The following REV3L variants were observed in gnomAD, a reference collection of about 807,000 sequenced individuals.
REV3L encodes the protein REV3 like, DNA directed polymerase zeta catalytic subunit.
A neutral mutation model predicts 299.4 loss-of-function variants in REV3L; 69 were observed. The ratio of observed to expected loss-of-function variants is 0.23; its 90% confidence interval spans 0.19 to 0.28. The LOEUF is 0.28. Among genes scored for constraint, REV3L ranks in the 10% least tolerant of loss-of-function variants. REV3L has a pLI of 1.00. For synonymous variants in REV3L, 1,238 were observed against 1,271.4 expected (o/e 0.97, Z 0.56); for missense variants, 3,128 against 3,693.8 (o/e 0.85, Z 3.97).
rs1453284723 is a variant in REV3L at position 111,335,456 on chromosome 6, A to G, written c.7680+13T>C. The stretch of plus-strand genomic sequence containing the variant: ...ACAGAACTTTCAAGTCTGCAAGAAA[A>G]CTGATTTCCCACCTGTGAACCCCTT... On this transcript the variant is annotated intron_variant, in intron 22 of 31. Coordinates refer to ENST00000368802, the MANE Select transcript of REV3L (RefSeq NM_001372078.1). The G allele has an allele frequency of 6.2e-7, 1 of 1,604,668 alleles. No homozygotes were observed. The highest frequency in any genetic ancestry group is 8.5e-7 in the Non-Finnish European group (1 of 1,176,376).
intron 1 of REV3L, among the ~76,000 whole-genome samples, chr6:111,450,091 A>G (rs1426663590): frequency 6.6e-6 from 1 of 152,236 alleles, no homozygotes; most frequent in Non-Finnish European, 1.5e-5. Flanking sequence ...AACTAAGAAT[A>G]TATCAGAAAT....
intron 1 of REV3L, among the ~76,000 whole-genome samples, chr6:111,423,676 G>C (rs893044359): frequency 1.3e-5 from 2 of 152,158 alleles, no homozygotes; most frequent in African/African-American, 4.8e-5. Flanking sequence ...CTACAGAAAG[G>C]AAAATCTGTT....
chr6:111,435,724 T>C (rs1380556141), intron 1 of REV3L, among the ~76,000 whole-genome samples: 2 of 152,094 alleles, frequency 1.3e-5, no homozygotes, highest in African/African-American at 2.4e-5. Context: ...GAAGAAAACA[T>C]TGGGGAAATG....
At chr6:111,432,969 A>G (rs1422954326) in intron 1 of REV3L, among the ~76,000 whole-genome samples, 1 of 152,232 alleles carries the variant, frequency 6.6e-6, no homozygotes, top group African/African-American at 2.4e-5. Flanking sequence ...AAAGAAATTA[A>G]GAAGGAAATT....
chr6:111,373,790 T>C lies in REV3L; in HGVS notation c.4565A>G (p.Glu1522Gly). The change falls in exon 13 of 32, where the codon GAA (glutamate) becomes GGA (glycine). Residue 1522 changes from glutamate to glycine, a missense_variant. By Grantham distance (98) the Glu-to-Gly change is moderately conservative. Around this residue, in one of 9 missense-constraint regions of REV3L, gnomAD observed 2,409 missense variants for 2,611.8 expected, o/e 0.92. Coordinates refer to ENST00000368802, the MANE Select transcript of REV3L (RefSeq NM_001372078.1). ...RNVSTPSAFGEGQSGLAVLKE... is the reference protein window; with the variant it reads ...RNVSTPSAFGGGQSGLAVLKE... ...TAGAACTGCCAGTCCAGACTGTCCT[T>C]CACCAAATGCTGAAGGTGTTGACAC... 1 of 1,614,154 alleles carries C rather than the reference T, an allele frequency of 6.2e-7. No homozygotes were observed. The highest frequency in any genetic ancestry group is 2.2e-5 in the East Asian group (1 of 44,886).
chr6:111,467,255 T>C (rs1791622190), intron 1 of REV3L, among the ~76,000 whole-genome samples: 1 of 152,244 alleles, frequency 6.6e-6, no homozygotes, highest in Non-Finnish European at 1.5e-5. Flanking sequence ...AAGGTCAAAG[T>C]ACTTCATGTC....
At chr6:111,427,660 T>A (rs1304951047) in intron 1 of REV3L, among the ~76,000 whole-genome samples, 2 of 152,172 alleles carry the variant, frequency 1.3e-5, no homozygotes, top group Non-Finnish European at 2.9e-5. Context: ...CAGAAAACTT[T>A]CCCAACTCAG....
chr6:111,401,523 G>A (rs1017480908), intron 4 of REV3L, among the ~76,000 whole-genome samples: 6 of 152,182 alleles, frequency 3.9e-5, no homozygotes, highest in African/African-American at 1.4e-4. Flanking sequence ...TAAACTATAA[G>A]TTGTCATCTA....
At chr6:111,469,710 C>T (rs942606910) in intron 1 of REV3L, among the ~76,000 whole-genome samples, 9 of 152,192 alleles carry the variant, frequency 5.9e-5, no homozygotes, top group East Asian at 1.9e-4. Flanking sequence ...ACAACCAGTA[C>T]GGATTATCCA....
Position 111,351,754 on chromosome 6 carries a change from T to A in REV3L, c.7222A>T (p.Met2408Leu). Residue 2408 changes from methionine to leucine, a missense_variant, in exon 19 of 32, where the codon ATG becomes TTG. By Grantham distance (15) the Met-to-Leu change is conservative. Around this residue, in one of 9 missense-constraint regions of REV3L, gnomAD observed 82 missense variants for 142.7 expected, o/e 0.57. Coordinates refer to ENST00000368802, the MANE Select transcript of REV3L (RefSeq NM_001372078.1). ...TGTAAGAGGTAACCCCAGGAATGCA[T>A]CTGAATCTCATATCCTAGCAGAATA... ...PDILLGYEIQ[M>L]HSWGYLLQRA... 1.9e-6 allele frequency: 3 copies of A among 1,613,528 alleles called. No individual in the cohort carries two copies. Among genetic ancestry groups the A allele is most frequent in the Non-Finnish European group, 2.5e-6 (3 of 1,179,622 alleles).
intron 16 of REV3L, among the ~76,000 whole-genome samples, chr6:111,362,934 C>G (rs1778848082): frequency 6.6e-6 from 1 of 152,186 alleles, no homozygotes; most frequent in Non-Finnish European, 1.5e-5. Flanking sequence ...CTGCTAGCGG[C>G]TACCATACGA....
At chr6:111,402,474 G>T (rs1783189139) in intron 4 of REV3L, among the ~76,000 whole-genome samples, 1 of 152,162 alleles carries the variant, frequency 6.6e-6, no homozygotes, top group South Asian at 2.1e-4. Context: ...CAGGTCAAAA[G>T]TTGCTTTAAG....
chr6:111,450,478 C>CAAAAAAAAAAAA (rs869119350), intron 1 of REV3L, among the ~76,000 whole-genome samples: 4 of 54,108 alleles, frequency 7.4e-5, no homozygotes, highest in African/African-American at 3.3e-4. Context: ...GACCCTGTCT[C>CAAAAAAAAAAAA]AAAAAAAAAA....
chr6:111,310,987 A>G (rs1371650499), intron 29 of REV3L, 82 bp downstream of exon 29: 3 of 1,122,686 alleles, frequency 2.7e-6, no homozygotes, highest in African/African-American at 1.6e-5. Context: ...GTCTGTGTCT[A>G]TGGACTGTCT....
At chr6:111,419,734 C>T (rs748132060) in intron 1 of REV3L, among the ~76,000 whole-genome samples, 6 of 152,280 alleles carry the variant, frequency 3.9e-5, no homozygotes, top group South Asian at 4.1e-4. Flanking sequence ...TCAGTCCAGG[C>T]GCTTTTCCAC....
In REV3L at chr6:111,390,187, T is replaced by G; in HGVS notation, c.663-7A>C. The G allele has an allele frequency of 6.6e-7, 1 of 1,523,364 alleles. No individual in the cohort carries two copies. The highest frequency in any genetic ancestry group is 9.1e-7 in the Non-Finnish European group (1 of 1,098,974). The allele number at this position is 1,523,364 out of a possible 1,614,324, so 94.4% of individuals were successfully genotyped here. A position where few individuals can be genotyped will look rare whatever the true frequency, so the allele number is the denominator to read the frequency against. ...ACCTTCCAATATTAAAGAGCTGCAA[T>G]TAAAGGATATAAAAAACATAATAAT... On this transcript the variant is annotated splice_region_variant and splice_polypyrimidine_tract_variant and intron_variant, in intron 5 of 31. Transcript: ENST00000368802.
At chr6:111,418,467 T>C (rs922654638) in intron 1 of REV3L, among the ~76,000 whole-genome samples, 1 of 152,230 alleles carries the variant, frequency 6.6e-6, no homozygotes, top group Non-Finnish European at 1.5e-5. Context: ...TTTCTATTTA[T>C]AGGCTTCAGA....
At chr6:111,372,029 C>T (rs949258789) in intron 13 of REV3L, among the ~76,000 whole-genome samples, 2 of 152,122 alleles carry the variant, frequency 1.3e-5, no homozygotes, top group African/African-American at 4.8e-5. Context: ...GAATGGAAAC[C>T]AAAGTCCATT....
At chr6:111,448,577 G>A (rs1429805188) in intron 1 of REV3L, among the ~76,000 whole-genome samples, 1 of 151,790 alleles carries the variant, frequency 6.6e-6, no homozygotes, top group Admixed American at 6.6e-5. Context: ...CACCTGCCTC[G>A]GCCTCCCAAA....
Sources: gnomAD v4.1 joint callset for allele counts (sites outside exome capture counted in the v4.1 genomes callset) on GRCh38, gnomAD v4.1.1 for gene constraint, gnomAD v4.1.1 regional missense constraint, MANE v1.5 for transcripts, NCBI Gene and HGNC (gene_info 2026-07-23, HGNC 2026-07-21) for gene names.